Variants in CTNNA3 observed in about 807,000 individuals in gnomAD.
CTNNA3 encodes the protein catenin alpha 3.
A neutral mutation model predicts 95.7 loss-of-function variants in CTNNA3; 76 were observed. The observed-to-expected ratio is 0.79, with a 90% CI of 0.66 to 0.96. CTNNA3 has a LOEUF of 0.96. CTNNA3 is among the 40% of genes least tolerant of loss of function. The pLI, the probability that CTNNA3 is intolerant of heterozygous loss-of-function variation, is 0.00. For missense variants in CTNNA3, 1,191 were observed against 1,089.8 expected, an observed-to-expected ratio of 1.09 and a Z score of -1.31; for synonymous variants, 431 against 374.4, an observed-to-expected ratio of 1.15 and a Z score of -1.74.
chr10:67,583,024 C>A (rs546041144), intron 3 of CTNNA3, among the ~76,000 whole-genome samples: 1 of 152,152 alleles, frequency 6.6e-6, no homozygotes, highest in South Asian at 2.1e-4. Flanking sequence ...ATTTGCCAGT[C>A]TGTGTCTTGT....
chr10:66,444,457 C>G (rs1219971427), intron 11 of CTNNA3, among the ~76,000 whole-genome samples: 1 of 152,168 alleles, frequency 6.6e-6, no homozygotes, highest in Non-Finnish European at 1.5e-5. Context: ...GGAAAGCCAT[C>G]AGACTAACAG....
chr10:67,414,299 G>A (rs1336338329), intron 5 of CTNNA3, among the ~76,000 whole-genome samples: 3 of 151,960 alleles, frequency 2.0e-5, no homozygotes, highest in African/African-American at 4.8e-5. Context: ...AGACTACTAT[G>A]AACAACTCTA....
chr10:66,630,310 G>C (rs550442041), intron 9 of CTNNA3, among the ~76,000 whole-genome samples: 1 of 152,180 alleles, frequency 6.6e-6, no homozygotes, highest in South Asian at 2.1e-4. Flanking sequence ...TTTTTCCTTT[G>C]AAATTCATTT....
At chr10:66,237,766 A>G (rs2089926886) in intron 13 of CTNNA3, among the ~76,000 whole-genome samples, 1 of 152,116 alleles carries the variant, frequency 6.6e-6, no homozygotes, top group South Asian at 2.1e-4. Flanking sequence ...TGCACAGCAC[A>G]TTAGTCAAGT....
chr10:66,458,040 C>G (rs542617064), intron 11 of CTNNA3, among the ~76,000 whole-genome samples: 4 of 152,292 alleles, frequency 2.6e-5, no homozygotes, highest in South Asian at 2.1e-4. Context: ...GTAGTTAAGC[C>G]TTGGCCAAAT....
Position 66,840,352 on chromosome 10 carries a change from TCTCTCTCTCTCTCTCTCTCTCACACA to T in CTNNA3, c.1048-64854_1048-64829del, listed in dbSNP as rs1189909523. Among the ~76,000 whole-genome samples, 10 of 123,182 alleles carry T rather than the reference TCTCTCTCTCTCTCTCTCTCTCACACA, an allele frequency of 8.1e-5. No homozygotes were observed. The East Asian group carries it at 1.1e-3, about 14-fold the overall frequency. 80.8% of individuals were successfully genotyped at this position (123,182 alleles called of 152,430 possible). A position where few individuals can be genotyped will look rare whatever the true frequency, so the allele number is the denominator to read the frequency against. On this transcript the variant is annotated intron_variant, in intron 7 of 17. Coordinates refer to ENST00000433211, the MANE Select transcript of CTNNA3 (RefSeq NM_013266.4). ...CTCTCTCTCTCTCTCTCTCTCTCTC[TCTCTCTCTCTCTCTCTCTCTCACACA>T]CACACACACACACACACACACACAC...
chr10:66,483,292 G>T (rs10997170), intron 11 of CTNNA3, among the ~76,000 whole-genome samples: 9,404 of 152,072 alleles, frequency 0.062, 605 homozygotes, highest in African/African-American at 0.16. Flanking sequence ...ACTCCTGAGA[G>T]AATTAAATAT....
chr10:67,163,491 C>T (rs1287752445), intron 7 of CTNNA3, among the ~76,000 whole-genome samples: 1 of 151,832 alleles, frequency 6.6e-6, no homozygotes, highest in African/African-American at 2.4e-5. Context: ...AAAAATCTAT[C>T]AAAAAGAGAT....
intron 16 of CTNNA3, among the ~76,000 whole-genome samples, chr10:65,984,311 C>G (rs994261156): frequency 2.6e-5 from 4 of 151,230 alleles, no homozygotes; most frequent in African/African-American, 4.8e-5. Flanking sequence ...CTTAATCTAT[C>G]CAATAATAAT....
chr10:67,123,763 T>G lies in CTNNA3; in HGVS notation c.1047+56554A>C, dbSNP rs74837409. Among the ~76,000 whole-genome samples, 144 of 152,294 alleles carry G rather than the reference T, an allele frequency of 9.5e-4. 1 individual carries two copies. The highest frequency in any genetic ancestry group is 3.3e-3 in the African/African-American group (138 of 41,566). Reference sequence around the variant, plus strand: ...ATGTCAAAGAAAGAAATCAAAAATTTTGGTCCTTGTAATCTTGAATTAATC... The same window carrying G: ...ATGTCAAAGAAAGAAATCAAAAATTGTGGTCCTTGTAATCTTGAATTAATC... On this transcript the variant is annotated intron_variant, in intron 7 of 17. Transcript: ENST00000433211.
chr10:66,071,065 G>A (rs977589822), intron 14 of CTNNA3, among the ~76,000 whole-genome samples: 3 of 152,040 alleles, frequency 2.0e-5, no homozygotes, highest in Non-Finnish European at 4.4e-5. Flanking sequence ...ATATGTCATC[G>A]ATCAATTTCA....
intron 6 of CTNNA3, among the ~76,000 whole-genome samples, chr10:67,209,356 G>T (rs932578136): frequency 2.0e-5 from 3 of 152,024 alleles, no homozygotes; most frequent in Non-Finnish European, 4.4e-5. Context: ...CCTAATATAA[G>T]TTTTTAAATG....
intron 16 of CTNNA3, among the ~76,000 whole-genome samples, chr10:65,974,395 G>A (rs1046267159): frequency 5.3e-5 from 8 of 152,156 alleles, no homozygotes; most frequent in Non-Finnish European, 1.2e-4. Flanking sequence ...ATACACCATG[G>A]AATAACAGCC....
chr10:67,607,325 A>C (rs1843311181), intron 2 of CTNNA3, among the ~76,000 whole-genome samples: 1 of 152,098 alleles, frequency 6.6e-6, no homozygotes, highest in South Asian at 2.1e-4. Flanking sequence ...CTATATTCCT[A>C]CAATAAGATG....
Position 66,698,926 on chromosome 10 carries a change from G to C in CTNNA3, c.1281+67338C>G, listed in dbSNP as rs138894113. Among the ~76,000 whole-genome samples the C allele has an allele frequency of 1.9e-3, 295 of 152,150 alleles. 4 individuals are homozygous for C. The highest frequency in any genetic ancestry group is 6.2e-3 in the African/African-American group (258 of 41,508). On this transcript the variant is annotated intron_variant, in intron 9 of 17. Coordinates refer to ENST00000433211, the MANE Select transcript of CTNNA3 (RefSeq NM_013266.4). ...CTAACAAAAGTATTATTATTCTACC[G>C]GATCATTTAAAAAATTCCTTTTGTT...
At chr10:67,330,968 C>G (rs1472834074) in intron 5 of CTNNA3, among the ~76,000 whole-genome samples, 1 of 152,184 alleles carries the variant, frequency 6.6e-6, no homozygotes, top group Non-Finnish European at 1.5e-5. Flanking sequence ...GCTGAAACCA[C>G]CTTTACTTAT....
chr10:66,635,136 T>C (rs1456660529), intron 9 of CTNNA3, among the ~76,000 whole-genome samples: 1 of 152,118 alleles, frequency 6.6e-6, no homozygotes, highest in Admixed American at 6.6e-5. Flanking sequence ...ATTAAGCTAT[T>C]ATTCACCTCA....
intron 13 of CTNNA3, among the ~76,000 whole-genome samples, chr10:66,145,165 A>C (rs1242052856): frequency 4.6e-5 from 7 of 152,190 alleles, no homozygotes. Context: ...ACCAGGAATC[A>C]AAAGAATAGC....
chr10:67,179,658 A>G (rs1862416549), intron 7 of CTNNA3, among the ~76,000 whole-genome samples: 1 of 152,008 alleles, frequency 6.6e-6, no homozygotes, highest in South Asian at 2.1e-4. Context: ...GCAAAACCCC[A>G]TCTCTACAAA....
Sources: gnomAD v4.1 joint callset for allele counts (sites outside exome capture counted in the v4.1 genomes callset) on GRCh38, gnomAD v4.1.1 for gene constraint, MANE v1.5 for transcripts, NCBI Gene and HGNC (gene_info 2026-07-23, HGNC 2026-07-21) for gene names.